Variants in INO80 observed in about 807,000 individuals in gnomAD.
The protein encoded by INO80 is INO80 complex ATPase subunit, also known as chromatin-remodeling ATPase INO80.
INO80 carries 20 observed loss-of-function variants against 203.4 expected under a neutral mutation model. That is an observed-to-expected ratio of 0.10 (90% CI 0.07 to 0.14). INO80 has a LOEUF of 0.14. Ranked by LOEUF, INO80 falls within the 10% of genes least tolerant of loss-of-function variation. The pLI, the probability that INO80 is intolerant of heterozygous loss-of-function variation, is 1.00. For synonymous variants in INO80, 726 were observed against 685.2 expected (o/e 1.06, Z -0.93); for missense variants, 1,419 against 1,914.4 (o/e 0.74, Z 4.83).
chr15:41,092,280 G>A (rs2045657081), intron 4 of INO80, 98 bp from the exon 5 acceptor site: 3 of 928,620 alleles, frequency 3.2e-6, no homozygotes. Context: ...GACAAAAACA[G>A]CAGAAAGATA....
intron 12 of INO80, 97 bp downstream of exon 12, chr15:41,071,752 C>T (rs1406255562): frequency 1.9e-5 from 21 of 1,134,294 alleles, no homozygotes; most frequent in South Asian, 2.8e-5. Context: ...TGAGCCACCG[C>T]GCTCAGCCAG....
chr15:41,085,641 C>A (rs1353281520), intron 6 of INO80, 58 bp from the exon 7 acceptor site: 4 of 1,357,786 alleles, frequency 2.9e-6, no homozygotes, highest in Non-Finnish European at 4.2e-6. Flanking sequence ...CACAAAGCAA[C>A]CTCATGACTT....
chr15:41,033,712 G>C (rs990472787), intron 24 of INO80, among the ~76,000 whole-genome samples: 13 of 152,020 alleles, frequency 8.6e-5, no homozygotes, highest in Non-Finnish European at 1.8e-4. Context: ...CATAAGAGAA[G>C]GAAATCTCTG....
intron 1 of INO80, among the ~76,000 whole-genome samples, chr15:41,105,595 C>G (rs2045869284): frequency 6.6e-6 from 1 of 152,168 alleles, no homozygotes; most frequent in Non-Finnish European, 1.5e-5. Flanking sequence ...GAAGTACTTC[C>G]AGCAAATTAG....
chr15:40,989,793 C>G (rs953540243), intron 29 of INO80, among the ~76,000 whole-genome samples: 3 of 152,192 alleles, frequency 2.0e-5, no homozygotes, highest in African/African-American at 7.2e-5. Context: ...ATTTTCTATT[C>G]TTTCCTAACA....
chr15:41,111,718 A>G (rs1018414574), intron 1 of INO80, among the ~76,000 whole-genome samples: 5 of 150,120 alleles, frequency 3.3e-5, no homozygotes, highest in Non-Finnish European at 7.4e-5. Flanking sequence ...CAGGAGAATC[A>G]CTTGAACTCG....
intron 1 of INO80, among the ~76,000 whole-genome samples, chr15:41,105,407 A>G (rs1263165301): frequency 1.3e-5 from 2 of 152,132 alleles, no homozygotes; most frequent in African/African-American, 4.8e-5. Flanking sequence ...AATGTTTCAT[A>G]TGTGTTTGCA....
intron 24 of INO80, among the ~76,000 whole-genome samples, chr15:41,032,048 CACAGCACAGCACAGG>C (rs2044492579): frequency 1.1e-5 from 1 of 87,516 alleles, no homozygotes; most frequent in African/African-American, 4.3e-5. Flanking sequence ...CACAGCACAG[CACAGCACAGCACAGG>C]ACAGCACAGG....
At chr15:41,025,047 A>G (rs182299300) in intron 25 of INO80, among the ~76,000 whole-genome samples, 1 of 152,344 alleles carries the variant, frequency 6.6e-6, no homozygotes, top group Admixed American at 6.5e-5. Context: ...AGCACATACT[A>G]TGTAAAGAAA....
chr15:41,036,291 G>A (rs955299374), intron 24 of INO80, among the ~76,000 whole-genome samples: 2 of 149,418 alleles, frequency 1.3e-5, no homozygotes, highest in Admixed American at 6.8e-5. Context: ...AAGATAACAT[G>A]TTATATAACT....
intron 31 of INO80, 129 bp downstream of exon 31, chr15:40,986,962 A>G (rs2043743868): frequency 5.4e-6 from 3 of 555,272 alleles, no homozygotes; most frequent in African/African-American, 3.8e-5. Flanking sequence ...GGGTTTTTAT[A>G]TAAAATATGA....
intron 27 of INO80, among the ~76,000 whole-genome samples, chr15:41,009,446 T>C (rs1487662568): frequency 1.1e-4 from 15 of 140,438 alleles, no homozygotes; most frequent in East Asian, 8.6e-4. Flanking sequence ...TGTGTTCTCA[T>C]TGTTCAATTC....
chr15:41,051,839 T>C (rs555325909), intron 19 of INO80, among the ~76,000 whole-genome samples: 3 of 152,118 alleles, frequency 2.0e-5, no homozygotes, highest in Non-Finnish European at 4.4e-5. Flanking sequence ...ACACCTGTAG[T>C]CCCAGCTACT....
At chr15:41,053,590 CAA>C (rs766406809) in intron 19 of INO80, among the ~76,000 whole-genome samples, 3 of 152,042 alleles carry the variant, frequency 2.0e-5, no homozygotes, top group Non-Finnish European at 4.4e-5. Context: ...ACTTCATAAA[CAA>C]ATATTCATTT....
At chr15:41,011,827 A>G (rs549914120) in intron 27 of INO80, 1 of 152,360 alleles carries the variant, frequency 6.6e-6, no homozygotes, top group African/African-American at 2.4e-5. Flanking sequence ...GCGCTTGGAT[A>G]GATGACTGAG....
intron 24 of INO80, among the ~76,000 whole-genome samples, chr15:41,042,954 T>C (rs1238074186): frequency 6.6e-6 from 1 of 152,212 alleles, no homozygotes; most frequent in Non-Finnish European, 1.5e-5. Flanking sequence ...ATTCAGTGTA[T>C]ACTCTAAACC....
chr15:41,003,984 T>C (rs2044001541), intron 28 of INO80, among the ~76,000 whole-genome samples: 1 of 152,304 alleles, frequency 6.6e-6, no homozygotes, highest in African/African-American at 2.4e-5. Flanking sequence ...GGTAAGGACA[T>C]GACATGATAA....
chr15:41,042,907 A>G (rs2044694529), intron 24 of INO80, among the ~76,000 whole-genome samples: 1 of 152,252 alleles, frequency 6.6e-6, no homozygotes, highest in Non-Finnish European at 1.5e-5. Flanking sequence ...CCACACATAT[A>G]TAAGCTTTCA....
chr15:41,074,212 G>GTTA (rs2045366668), intron 10 of INO80, among the ~76,000 whole-genome samples, 158 bp downstream of exon 10: 1 of 151,920 alleles, frequency 6.6e-6, no homozygotes, highest in South Asian at 2.1e-4. Context: ...TTATACTTCT[G>GTTA]TTATAGAAAC....
Sources: allele counts gnomAD v4.1 joint callset (sites outside exome capture counted in the v4.1 genomes callset), GRCh38; gene constraint gnomAD v4.1.1; transcripts MANE v1.5; gene names NCBI Gene and HGNC (gene_info 2026-07-23, HGNC 2026-07-21).